The following ZNF732 variants were observed in gnomAD, a reference collection of about 807,000 sequenced individuals.
The protein encoded by ZNF732 is zinc finger protein 732.
ZNF732 carries 12 observed loss-of-function variants against 11.5 expected under a neutral mutation model. The observed-to-expected ratio is 1.05, with a 90% CI of 0.67 to 1.70. ZNF732 has a LOEUF of 1.70. ZNF732 is among the 40% of genes most tolerant of loss of function. The pLI, the probability that ZNF732 is intolerant of heterozygous loss-of-function variation, is 0.00. For synonymous variants in ZNF732, 231 were observed against 236.5 expected, an observed-to-expected ratio of 0.98 and a Z score of 0.21; for missense variants, 702 against 676.9, an observed-to-expected ratio of 1.04 and a Z score of -0.41.
At chr4:281,020 G>A (rs995930559) in intron 3 of ZNF732, among the ~76,000 whole-genome samples, 2 of 152,116 alleles carry the variant, frequency 1.3e-5, no homozygotes, top group African/African-American at 4.8e-5. Context: ...ATTTGACAGT[G>A]GATCTTGACG....
rs782675148 is a variant in ZNF732 at position 305,303 on chromosome 4, C to T, written c.3+5G>A. 9.3e-6 allele frequency: 15 copies of T among 1,607,542 alleles called. No homozygotes were observed. In the Admixed American group the frequency reaches 2.2e-4, roughly 23 times the overall value. ...AGCCTTGGGACGCCCTGCCCCCACA[C>T]TCACCATTTCCCCACTTCAGGGGTG... On this transcript the variant is annotated splice_donor_5th_base_variant and intron_variant, in intron 1 of 3. Transcript: ENST00000419098.
chr4:302,971 G>A (rs538716576), intron 1 of ZNF732, among the ~76,000 whole-genome samples: 6 of 152,166 alleles, frequency 3.9e-5, no homozygotes, highest in African/African-American at 7.2e-5. Context: ...CTCTTTCACT[G>A]GCAGCCCCTT....
rs1560162514 is a variant in ZNF732, at chr4:292,886, A to AAC, written c.226+2550_226+2551dup. Among the ~76,000 whole-genome samples the AAC allele has an allele frequency of 1.1e-4, 14 of 132,686 alleles. No individual in the cohort carries two copies. In the South Asian group the frequency reaches 3.0e-3, roughly 29 times the overall value. The allele number at this position is 132,686 out of a possible 152,430, so 87.0% of individuals were successfully genotyped here. A position where few individuals can be genotyped will look rare whatever the true frequency, so the allele number is the denominator to read the frequency against. ...ATGGTGAAACTCTGTCTCTACTAAA[A>AAC]ACACAAAAAAAAAAAAAAAAAAAAA... is the stretch of plus-strand genomic sequence containing the variant. On this transcript the variant is annotated intron_variant, in intron 3 of 3. Coordinates refer to ENST00000419098, the MANE Select transcript of ZNF732 (RefSeq NM_001137608.3).
intron 1 of ZNF732, 35 bp downstream of exon 1, chr4:305,273 T>G: frequency 6.2e-7 from 1 of 1,601,708 alleles, no homozygotes; most frequent in Non-Finnish European, 8.5e-7. Flanking sequence ...GGATGAGGCC[T>G]CCCCAGCCTT....
At chr4:283,061 A>C (rs1719648924) in intron 3 of ZNF732, among the ~76,000 whole-genome samples, 1 of 152,196 alleles carries the variant, frequency 6.6e-6, no homozygotes, top group South Asian at 2.1e-4. Flanking sequence ...ATTGTGAGAA[A>C]ATTAATAAGT....
In ZNF732 at chr4:282,218, G is replaced by A. The variant is rs147622874; in HGVS notation, c.227-9588C>T. Among the ~76,000 whole-genome samples the A allele has an allele frequency of 1.7e-3, 257 of 152,236 alleles. 1 individual carries two copies. The highest frequency in any genetic ancestry group is 5.9e-3 in the African/African-American group (246 of 41,548). On this transcript the variant is annotated intron_variant, in intron 3 of 3. Transcript: ENST00000419098. ...TTAATGGTATATAATATAAAAAGAT[G>A]TAAAGTGTGACATAAATAGTGTGTT...
At chr4:281,162 T>C (rs1401500128) in intron 3 of ZNF732, among the ~76,000 whole-genome samples, 2 of 152,170 alleles carry the variant, frequency 1.3e-5, no homozygotes, top group Non-Finnish European at 2.9e-5. Context: ...CCACTGTGAA[T>C]TGTAAAGCAG....
intron 3 of ZNF732, among the ~76,000 whole-genome samples, chr4:286,603 T>C (rs186795192): frequency 3.7e-4 from 57 of 152,356 alleles, no homozygotes; most frequent in African/African-American, 1.2e-3. Context: ...GTTAAATGCT[T>C]AGAAACAGAC....
At chr4:277,315 G>T (rs934674825) in intron 3 of ZNF732, among the ~76,000 whole-genome samples, 2 of 151,956 alleles carry the variant, frequency 1.3e-5, no homozygotes, top group African/African-American at 4.8e-5. Context: ...AAAATGCTTT[G>T]CACAGTAAAG....
chr4:302,750 A>C (rs1487225999), intron 1 of ZNF732, among the ~76,000 whole-genome samples: 1 of 152,278 alleles, frequency 6.6e-6, no homozygotes, highest in Non-Finnish European at 1.5e-5. Context: ...GAAGCAGAGA[A>C]AATACTTAAA....
At chr4:280,565 A>T (rs1184071401) in intron 3 of ZNF732, among the ~76,000 whole-genome samples, 2 of 152,184 alleles carry the variant, frequency 1.3e-5, no homozygotes, top group Non-Finnish European at 2.9e-5. Context: ...AGCCTGGGCA[A>T]CAAGAGCAAA....
At chr4:287,544 G>T (rs1251830626) in intron 3 of ZNF732, among the ~76,000 whole-genome samples, 2 of 152,030 alleles carry the variant, frequency 1.3e-5, no homozygotes, top group African/African-American at 4.8e-5. Context: ...TCTTCTTTAT[G>T]TCAGGAGATT....
chr4:280,103 C>CGTTCT (rs1553839506), intron 3 of ZNF732, among the ~76,000 whole-genome samples: 1 of 151,500 alleles, frequency 6.6e-6, no homozygotes, highest in African/African-American at 2.4e-5. Context: ...TTGAGGAGAA[C>CGTTCT]CTACATGAAA....
At chr4:292,782 C>G (rs1363517418) in intron 3 of ZNF732, among the ~76,000 whole-genome samples, 2 of 149,688 alleles carry the variant, frequency 1.3e-5, no homozygotes, top group Non-Finnish European at 3.0e-5. Flanking sequence ...CGCAGTGGCT[C>G]ACGCCTGTAA....
intron 3 of ZNF732, among the ~76,000 whole-genome samples, chr4:283,902 C>T (rs1241535660): frequency 1.3e-5 from 2 of 151,864 alleles, no homozygotes; most frequent in African/African-American, 4.8e-5. Flanking sequence ...ATCATATCAA[C>T]TTGTTTGTGT....
At chr4:290,998 G>C (rs1405145411) in intron 3 of ZNF732, among the ~76,000 whole-genome samples, 7 of 152,194 alleles carry the variant, frequency 4.6e-5, no homozygotes, top group Admixed American at 4.6e-4. Flanking sequence ...CTGAGGCCCA[G>C]ATCTACAAGC....
At chr4:299,419 A>ACATGTG (rs1553843167) in intron 1 of ZNF732, among the ~76,000 whole-genome samples, 1 of 92,216 alleles carries the variant, frequency 1.1e-5, no homozygotes, top group African/African-American at 4.1e-5. Context: ...ATATATACAC[A>ACATGTG]TATATACACA....
chr4:296,815 CAT>C (rs1719962811), intron 1 of ZNF732, among the ~76,000 whole-genome samples: 1 of 152,170 alleles, frequency 6.6e-6, no homozygotes, highest in Non-Finnish European at 1.5e-5. Flanking sequence ...GCAGGCACAG[CAT>C]AGAGTCCCTT....
chr4:272,442 T>A lies in ZNF732; in HGVS notation c.415A>T (p.Lys139Ter), dbSNP rs1719407570. Reference protein sequence around the residue: ...FNQCLSTIQSKIFQCNVHVKV... With the variant: ...FNQCLSTIQS ...ACATGTACATTACACTGAAATATTT[T>A]GCTCTGGATAGTTGACAAGCATTGA... is the stretch of plus-strand genomic sequence containing the variant. The change falls in exon 4 of 4, where the codon AAA becomes TAA. Residue 139 changes from lysine (K) to a stop codon, truncating the protein, a stop_gained. Transcript: ENST00000419098. LOFTEE classifies it low-confidence loss of function (END_TRUNC). The A allele has an allele frequency of 3.1e-6, 5 of 1,600,000 alleles. No homozygotes were observed. Among genetic ancestry groups the A allele is most frequent in the Non-Finnish European group, 3.4e-6 (4 of 1,172,204 alleles).
Sources: gnomAD v4.1 joint callset for allele counts (sites outside exome capture counted in the v4.1 genomes callset) on GRCh38, gnomAD v4.1.1 for gene constraint, MANE v1.5 for transcripts, NCBI Gene and HGNC (gene_info 2026-07-23, HGNC 2026-07-21) for gene names.